The following ELMO1 variants were observed in gnomAD, a reference collection of about 807,000 sequenced individuals.
ELMO1 encodes the protein engulfment and cell motility protein 1.
ELMO1 carries 26 observed loss-of-function variants against 98.9 expected under a neutral mutation model. The ratio of observed to expected loss-of-function variants is 0.26; its 90% CI spans 0.19 to 0.36. The LOEUF is 0.36. ELMO1 is among the 10% of genes least tolerant of loss of function. ELMO1 has a pLI of 1.00. For synonymous variants in ELMO1, 346 were observed against 346.0 expected, an observed-to-expected ratio of 1.00 and a Z score of 0.00; for missense variants, 627 against 935.2, an observed-to-expected ratio of 0.67 and a Z score of 4.30.
intron 16 of ELMO1, among the ~76,000 whole-genome samples, chr7:36,947,915 G>A (rs937285148): frequency 9.9e-5 from 15 of 152,102 alleles, no homozygotes; most frequent in African/African-American, 3.6e-4. Flanking sequence ...TGTAGCCCAG[G>A]TTTATTTAAC....
At chr7:37,000,090 A>G (rs1274212085) in intron 16 of ELMO1, among the ~76,000 whole-genome samples, 3 of 152,234 alleles carry the variant, frequency 2.0e-5, no homozygotes, top group Admixed American at 2.0e-4. Flanking sequence ...CAAAACCACA[A>G]TAAAACAAGC....
At chr7:37,029,102 G>A (rs765721236) in intron 15 of ELMO1, among the ~76,000 whole-genome samples, 12 of 152,160 alleles carry the variant, frequency 7.9e-5, no homozygotes, top group African/African-American at 1.2e-4. Flanking sequence ...AGAGCCAGAC[G>A]TACGTGCAGG....
intron 17 of ELMO1, among the ~76,000 whole-genome samples, chr7:36,888,334 T>C (rs967895530): frequency 6.6e-6 from 1 of 152,164 alleles, no homozygotes; most frequent in African/African-American, 2.4e-5. Flanking sequence ...TAGAGTGAAA[T>C]GGTTTTCAAA....
chr7:37,411,620 T>TTG (rs1301560271), intron 1 of ELMO1, among the ~76,000 whole-genome samples: 1 of 152,192 alleles, frequency 6.6e-6, no homozygotes, highest in African/African-American at 2.4e-5. Context: ...AATGGCATTT[T>TTG]TGTGTGTGTG....
At chr7:37,392,014 G>A (rs949295979) in intron 1 of ELMO1, among the ~76,000 whole-genome samples, 1 of 152,186 alleles carries the variant, frequency 6.6e-6, no homozygotes, top group Admixed American at 6.5e-5. Flanking sequence ...AAGAACTTGA[G>A]TTTCCAGCAG....
intron 1 of ELMO1, among the ~76,000 whole-genome samples, chr7:37,431,362 T>TA (rs1023844207): frequency 6.6e-6 from 1 of 151,926 alleles, no homozygotes; most frequent in Non-Finnish European, 1.5e-5. Context: ...TTAATTAATT[T>TA]AAAAAAGAAT....
chr7:37,267,218 A>G (rs1796312052), intron 5 of ELMO1, among the ~76,000 whole-genome samples: 1 of 152,046 alleles, frequency 6.6e-6, no homozygotes, highest in Non-Finnish European at 1.5e-5. Flanking sequence ...CACATACATA[A>G]CAGGCATCCC....
chr7:37,126,998 A>G lies in ELMO1; in HGVS notation c.1191+6132T>C, dbSNP rs1252063313. On this transcript the variant is annotated intron_variant, in intron 14 of 21. Transcript: ENST00000310758. Reference sequence around the variant, plus strand: ...CATTCGGATTTTATTGTTGGGCGTTAAATGTTTATCTAACTTTTTTAGAGC... The same window carrying G: ...CATTCGGATTTTATTGTTGGGCGTTGAATGTTTATCTAACTTTTTTAGAGC... Among the ~76,000 whole-genome samples the G allele has an allele frequency of 3.3e-5, 5 of 152,322 alleles. No homozygotes were observed. The East Asian group carries it at 9.6e-4, about 29-fold the overall frequency.
chr7:37,140,142 A>G (rs1787523745), intron 13 of ELMO1, among the ~76,000 whole-genome samples: 1 of 151,770 alleles, frequency 6.6e-6, no homozygotes, highest in Non-Finnish European at 1.5e-5. Context: ...TTGGGAGGCC[A>G]TGGTGGGCAG....
chr7:37,036,642 GT>G (rs1474022405), intron 15 of ELMO1, among the ~76,000 whole-genome samples: 15 of 152,274 alleles, frequency 9.9e-5, no homozygotes, highest in African/African-American at 3.4e-4. Context: ...GATTCCCAAA[GT>G]GCTGGGATTA....
chr7:36,947,553 C>T (rs993306166), intron 16 of ELMO1, among the ~76,000 whole-genome samples: 4 of 152,140 alleles, frequency 2.6e-5, no homozygotes, highest in East Asian at 1.9e-4. Context: ...TTGGATCAGG[C>T]GTTGGCCTCC....
intron 4 of ELMO1, among the ~76,000 whole-genome samples, chr7:37,272,925 G>A (rs547226249): frequency 2.0e-5 from 3 of 152,324 alleles, no homozygotes; most frequent in African/African-American, 7.2e-5. Context: ...TTGGGGTGAT[G>A]TAAATGTTTT....
At chr7:37,315,654 T>C (rs1407347415) in intron 3 of ELMO1, among the ~76,000 whole-genome samples, 2 of 152,144 alleles carry the variant, frequency 1.3e-5, no homozygotes, top group Non-Finnish European at 2.9e-5. Flanking sequence ...CCCTGCTAGG[T>C]AGGACAAAAG....
rs1223656557 is a variant in ELMO1 at position 37,401,717 on chromosome 7, G to A, written c.-74+46958C>T. Reference sequence around the variant, plus strand: ...ACACTCACTATCACGAGAACAGCATGAGGGTAACTGCCACCATGATTCAAT... The same window carrying A: ...ACACTCACTATCACGAGAACAGCATAAGGGTAACTGCCACCATGATTCAAT... On this transcript the variant is annotated intron_variant, in intron 1 of 21. Transcript: ENST00000310758. Among the ~76,000 whole-genome samples, 6 of 152,174 alleles carry A rather than the reference G, an allele frequency of 3.9e-5. No homozygotes were observed. In the South Asian group the frequency reaches 1.0e-3, roughly 26 times the overall value.
At chr7:37,290,480 A>C in intron 4 of ELMO1, among the ~76,000 whole-genome samples, 1 of 152,204 alleles carries the variant, frequency 6.6e-6, no homozygotes, top group East Asian at 1.9e-4. Context: ...AGCTCAACAG[A>C]ATTTGCTATA....
chr7:37,018,058 T>C (rs1038924983), intron 15 of ELMO1, among the ~76,000 whole-genome samples: 1 of 152,176 alleles, frequency 6.6e-6, no homozygotes, highest in Admixed American at 6.5e-5. Context: ...AGTTAGATTA[T>C]GTATATAAAG....
intron 14 of ELMO1, among the ~76,000 whole-genome samples, chr7:37,114,680 T>C (rs73335579): frequency 0.022 from 3,382 of 152,046 alleles, 137 homozygotes; most frequent in African/African-American, 0.077. Context: ...AAATCAAGCA[T>C]CTAAGCTTCC....
chr7:36,926,902 A>T (rs1223245006), intron 16 of ELMO1, among the ~76,000 whole-genome samples: 1 of 152,224 alleles, frequency 6.6e-6, no homozygotes, highest in Non-Finnish European at 1.5e-5. Flanking sequence ...CATATGTGTT[A>T]GAGAAAAATT....
chr7:37,290,460 A>T (rs999581762), intron 4 of ELMO1, among the ~76,000 whole-genome samples: 2 of 152,240 alleles, frequency 1.3e-5, no homozygotes, highest in Admixed American at 6.5e-5. Context: ...GTATTTGCAG[A>T]AATTAATTAA....
Sources: allele counts gnomAD v4.1 joint callset (sites outside exome capture counted in the v4.1 genomes callset), GRCh38; gene constraint gnomAD v4.1.1; transcripts MANE v1.5; gene names NCBI Gene and HGNC (gene_info 2026-07-23, HGNC 2026-07-21).